The following HPSE2 variants were observed in gnomAD, a reference collection of about 807,000 sequenced individuals.
HPSE2 encodes the protein heparanase 2 (inactive).
Under a neutral mutation model 60.5 loss-of-function variants are expected in HPSE2, and 38 were observed. That is an observed-to-expected ratio of 0.63 (90% confidence interval 0.48 to 0.82). The LOEUF is 0.82. HPSE2 is among the 40% of genes least tolerant of loss of function. The pLI, the probability that HPSE2 is intolerant of heterozygous loss-of-function variation, is 0.00. For synonymous variants in HPSE2, 295 were observed against 293.2 expected (o/e 1.01, Z -0.06); for missense variants, 713 against 740.4 (o/e 0.96, Z 0.43).
chr10:99,213,954 T>A (rs1849034036), intron 2 of HPSE2, among the ~76,000 whole-genome samples: 1 of 152,178 alleles, frequency 6.6e-6, no homozygotes, highest in Non-Finnish European at 1.5e-5. Context: ...GTAAATCATA[T>A]GTTTGATAAA....
At chr10:98,615,299 C>A (rs992911710) in intron 8 of HPSE2, among the ~76,000 whole-genome samples, 1 of 152,140 alleles carries the variant, frequency 6.6e-6, no homozygotes, top group African/African-American at 2.4e-5. Flanking sequence ...AATGACTTAA[C>A]TTTTTATTCC....
At chr10:98,486,952 C>T (rs990039575) in intron 10 of HPSE2, among the ~76,000 whole-genome samples, 1 of 152,110 alleles carries the variant, frequency 6.6e-6, no homozygotes, top group African/African-American at 2.4e-5. Context: ...CAAGAAGCCT[C>T]AGGAACCATT....
the HPSE2 span, among the ~76,000 whole-genome samples, chr10:99,307,278 G>A: frequency 6.6e-6 from 1 of 152,118 alleles, no homozygotes; most frequent in Non-Finnish European, 1.5e-5. Flanking sequence ...CATATGTCTC[G>A]ACCAGGATTT....
intron 3 of HPSE2, among the ~76,000 whole-genome samples, chr10:98,986,022 G>C (rs560314193): frequency 1.7e-3 from 264 of 152,240 alleles, no homozygotes; most frequent in Admixed American, 5.0e-3. Flanking sequence ...AACAGACTTA[G>C]ACTCCCACAC....
intron 6 of HPSE2, among the ~76,000 whole-genome samples, chr10:98,687,065 A>AT (rs940207286): frequency 6.6e-5 from 10 of 151,336 alleles, no homozygotes; most frequent in Non-Finnish European, 1.3e-4. Flanking sequence ...TTTTGTTGTT[A>AT]TTTTTTTTCT....
chr10:98,620,350 G>A (rs1364812096), intron 8 of HPSE2, among the ~76,000 whole-genome samples: 1 of 152,154 alleles, frequency 6.6e-6, no homozygotes, highest in Non-Finnish European at 1.5e-5. Context: ...CAATAAAGCT[G>A]TTATTACTAT....
At chr10:99,230,744 C>T (rs1849617227) in intron 2 of HPSE2, among the ~76,000 whole-genome samples, 1 of 152,070 alleles carries the variant, frequency 6.6e-6, no homozygotes. Flanking sequence ...TTCCTCCCTC[C>T]CTCACCCCCA....
At chr10:98,521,692 T>C (rs1159648010) in intron 9 of HPSE2, among the ~76,000 whole-genome samples, 1 of 152,132 alleles carries the variant, frequency 6.6e-6, no homozygotes, top group Non-Finnish European at 1.5e-5. Context: ...CACATACGAT[T>C]ATTGCGGCAC....
intron 9 of HPSE2, among the ~76,000 whole-genome samples, chr10:98,599,635 C>A (rs1468104215): frequency 6.6e-6 from 1 of 152,128 alleles, no homozygotes; most frequent in Non-Finnish European, 1.5e-5. Context: ...CCTCTCCTTC[C>A]CCCAAGTGCA....
rs142796020 is a variant in HPSE2 at position 98,465,251 on chromosome 10, A to G, written c.1614-5512T>C. On this transcript the variant is annotated intron_variant, in intron 11 of 11. Coordinates refer to ENST00000370552, the MANE Select transcript of HPSE2 (RefSeq NM_021828.5). ...TGATAAAATTCACCAATTATGCAGC[A>G]CTATTTATGCAAAAGGCACTATGCT... Among the ~76,000 whole-genome samples the G allele has an allele frequency of 4.4e-3, 677 of 152,360 alleles. 3 individuals carry two copies. The highest frequency in any genetic ancestry group is 6.3e-3 in the Non-Finnish European group (432 of 68,040).
intron 3 of HPSE2, among the ~76,000 whole-genome samples, chr10:99,112,795 A>G (rs1844521834): frequency 1.3e-5 from 2 of 152,230 alleles, no homozygotes; most frequent in Admixed American, 1.3e-4. Context: ...AACAGACAGA[A>G]CACTAAAGAA....
chr10:99,033,538 T>G (rs1441389949), intron 3 of HPSE2, among the ~76,000 whole-genome samples: 1 of 152,054 alleles, frequency 6.6e-6, no homozygotes, highest in Non-Finnish European at 1.5e-5. Context: ...ATCCCAGCAC[T>G]TTGGGAGGCT....
chr10:98,664,376 A>G (rs1274241153), intron 6 of HPSE2, among the ~76,000 whole-genome samples: 1 of 151,992 alleles, frequency 6.6e-6, no homozygotes, highest in Non-Finnish European at 1.5e-5. Context: ...AGCAGGGCCT[A>G]CCTTCTTCTG....
intron 2 of HPSE2, among the ~76,000 whole-genome samples, chr10:99,148,922 T>C (rs1846158980): frequency 6.6e-6 from 1 of 152,046 alleles, no homozygotes; most frequent in Non-Finnish European, 1.5e-5. Flanking sequence ...TGGAACAGTG[T>C]ATACTGCTTG....
intron 2 of HPSE2, among the ~76,000 whole-genome samples, chr10:99,218,880 G>A (rs1849221366): frequency 6.6e-6 from 1 of 152,244 alleles, no homozygotes; most frequent in South Asian, 2.1e-4. Context: ...AAGGAGATTC[G>A]TAATGGCCAG....
intron 3 of HPSE2, among the ~76,000 whole-genome samples, chr10:98,984,048 T>C (rs1255178258): frequency 6.6e-6 from 1 of 152,200 alleles, no homozygotes; most frequent in South Asian, 2.1e-4. Flanking sequence ...CCTGCCTCTG[T>C]AGACTCCACC....
At chr10:98,595,963 T>C (rs1945224710) in intron 9 of HPSE2, among the ~76,000 whole-genome samples, 1 of 152,252 alleles carries the variant, frequency 6.6e-6, no homozygotes, top group Non-Finnish European at 1.5e-5. Flanking sequence ...AATGATTATA[T>C]GTTTTTTGTC....
intron 3 of HPSE2, among the ~76,000 whole-genome samples, chr10:98,842,431 GT>G (rs1241531450): frequency 6.6e-6 from 1 of 151,512 alleles, no homozygotes; most frequent in African/African-American, 2.4e-5. Context: ...TTTTGGTAGA[GT>G]TTGCCAATCT....
At chr10:98,867,650 C>T (rs1459080124) in intron 3 of HPSE2, among the ~76,000 whole-genome samples, 4 of 152,082 alleles carry the variant, frequency 2.6e-5, no homozygotes, top group Non-Finnish European at 4.4e-5. Flanking sequence ...GGATATACAC[C>T]CCAAAGAAAG....
Sources: allele counts gnomAD v4.1 joint callset (sites outside exome capture counted in the v4.1 genomes callset), GRCh38; gene constraint gnomAD v4.1.1; transcripts MANE v1.5; gene names NCBI Gene and HGNC (gene_info 2026-07-23, HGNC 2026-07-21).